The following MXI1 variants were observed in gnomAD, a reference collection of about 807,000 sequenced individuals.
MXI1 encodes the protein max-interacting protein 1.
A neutral mutation model predicts 36.9 loss-of-function variants in MXI1; 18 were observed. The observed-to-expected ratio is 0.49, with a 90% CI of 0.34 to 0.72. The LOEUF (loss-of-function observed/expected upper bound fraction) is 0.72. MXI1 is among the 30% of genes least tolerant of loss of function. The pLI, the probability that MXI1 is intolerant of heterozygous loss-of-function variation, is 0.01. For missense variants in MXI1, 304 were observed against 379.1 expected (o/e 0.80, Z 1.64); for synonymous variants, 160 against 146.7 (o/e 1.09, Z -0.65).
At chr10:110,279,826 C>T in intron 4 of MXI1, 88 bp from the exon 5 acceptor site, 1 of 948,430 alleles carries the variant, frequency 1.1e-6, no homozygotes, top group Non-Finnish European at 1.5e-6. Context: ...CATGTATATT[C>T]ATTCATGTTT....
At position 110,248,000 on chromosome 10, in the gene MXI1, G is replaced by A. The variant is rs572197446; in HGVS notation, c.437+3143G>A. On this transcript the variant is annotated intron_variant, in intron 3 of 5. Coordinates refer to ENST00000332674, the MANE Select transcript of MXI1 (RefSeq NM_130439.3). The stretch of plus-strand genomic sequence containing the variant: ...GAAAATGTGGCACATATACACCATG[G>A]AATACTATGCAGCCATAAAAAATGA... Among the ~76,000 whole-genome samples, 26 of 152,242 alleles carry A rather than the reference G, an allele frequency of 1.7e-4. No homozygotes were observed. The South Asian group carries it at 2.7e-3, about 16-fold the overall frequency.
At chr10:110,242,065 T>A (rs1161803078) in intron 2 of MXI1, among the ~76,000 whole-genome samples, 2 of 152,002 alleles carry the variant, frequency 1.3e-5, no homozygotes, top group African/African-American at 4.8e-5. Context: ...GCTTTGGACT[T>A]CACAACTCGA....
Position 110,228,169 on chromosome 10 carries a change from T to G in MXI1, c.275-20T>G. ...GTACTATATTCTTCTTACCGTATCT[T>G]TTTTTCTTGCTTTCTTCAGAGTGTG... On this transcript the variant is annotated intron_variant, in intron 1 of 5. Transcript: ENST00000332674. 1 of 1,613,330 alleles carries G rather than the reference T, an allele frequency of 6.2e-7. No individual in the cohort carries two copies. Among genetic ancestry groups the G allele is most frequent in the Non-Finnish European group, 8.5e-7 (1 of 1,179,778 alleles).
At chr10:110,236,256 A>G (rs1279155658) in intron 2 of MXI1, among the ~76,000 whole-genome samples, 1 of 145,446 alleles carries the variant, frequency 6.9e-6, no homozygotes, top group Non-Finnish European at 1.5e-5. Flanking sequence ...AAATCAGTTG[A>G]CCACAGACTT....
At chr10:110,267,871 A>G (rs1418989487) in intron 3 of MXI1, among the ~76,000 whole-genome samples, 2 of 152,240 alleles carry the variant, frequency 1.3e-5, no homozygotes, top group Admixed American at 1.3e-4. Context: ...AAGACAATAC[A>G]GAATATATGT....
intron 2 of MXI1, among the ~76,000 whole-genome samples, chr10:110,236,719 C>T (rs796906604): frequency 7.9e-5 from 12 of 152,300 alleles, no homozygotes; most frequent in African/African-American, 2.6e-4. Context: ...CCTCTACCTT[C>T]CAAAGTGTTG....
At chr10:110,254,235 A>G (rs577969357) in intron 3 of MXI1, among the ~76,000 whole-genome samples, 44 of 152,252 alleles carry the variant, frequency 2.9e-4, no homozygotes, top group African/African-American at 1.0e-3. Flanking sequence ...AAACTTTATT[A>G]TAATTTCATA....
chr10:110,243,163 T>A (rs1470736786), intron 2 of MXI1, among the ~76,000 whole-genome samples: 1 of 152,046 alleles, frequency 6.6e-6, no homozygotes, highest in Non-Finnish European at 1.5e-5. Flanking sequence ...AGGCACACTG[T>A]GGTTATAATT....
At chr10:110,268,647 T>G (rs1856760230) in intron 3 of MXI1, among the ~76,000 whole-genome samples, 1 of 152,174 alleles carries the variant, frequency 6.6e-6, no homozygotes, top group Non-Finnish European at 1.5e-5. Flanking sequence ...AGAAAATTTC[T>G]GCCTTATCAG....
intron 3 of MXI1, among the ~76,000 whole-genome samples, chr10:110,261,429 AT>A (rs754963291): frequency 0.097 from 13,651 of 140,976 alleles, 671 homozygotes; most frequent in African/African-American, 0.16. Context: ...TATTCAAACC[AT>A]TTTTTTTTTT....
chr10:110,216,659 T>C (rs921031692), intron 1 of MXI1, among the ~76,000 whole-genome samples: 2 of 105,572 alleles, frequency 1.9e-5, no homozygotes, highest in African/African-American at 9.7e-5. Context: ...CCTATCTGTG[T>C]TTAATGTTTT....
At chr10:110,242,623 A>G (rs1855711559) in intron 2 of MXI1, among the ~76,000 whole-genome samples, 1 of 152,034 alleles carries the variant, frequency 6.6e-6, no homozygotes, top group East Asian at 1.9e-4. Flanking sequence ...CTTTAAAAAA[A>G]GATAATAAAG....
At chr10:110,223,822 CAAA>C (rs544249501) in intron 1 of MXI1, among the ~76,000 whole-genome samples, 1 of 108,828 alleles carries the variant, frequency 9.2e-6, no homozygotes. Flanking sequence ...AAAGCCTTTA[CAAA>C]AAAAAAAAAA....
intron 5 of MXI1, 26 bp from the exon 6 acceptor site, chr10:110,284,795 GTTC>G (rs5787843): frequency 8.6e-4 from 1,220 of 1,423,618 alleles, no homozygotes; most frequent in Middle Eastern, 3.2e-3. Flanking sequence ...GATAATTAAT[GTTC>G]TTCTTTTTTT....
At chr10:110,210,998 T>G (rs1247010133) in intron 1 of MXI1, among the ~76,000 whole-genome samples, 2 of 152,004 alleles carry the variant, frequency 1.3e-5, no homozygotes, top group Non-Finnish European at 2.9e-5. Flanking sequence ...GTCCCTGGTT[T>G]CTGGAAGGAA....
chr10:110,275,596 A>C (rs2134460965), intron 3 of MXI1, among the ~76,000 whole-genome samples: 1 of 152,200 alleles, frequency 6.6e-6, no homozygotes, highest in East Asian at 1.9e-4. Flanking sequence ...CATTTACCTA[A>C]GTGGCAGCTA....
chr10:110,239,666 A>T (rs1376698557), intron 2 of MXI1, among the ~76,000 whole-genome samples: 1 of 152,146 alleles, frequency 6.6e-6, no homozygotes, highest in Non-Finnish European at 1.5e-5. Context: ...TTTGTTTGAG[A>T]TGTAGTATGC....
intron 3 of MXI1, among the ~76,000 whole-genome samples, chr10:110,269,095 C>T (rs1856777127): frequency 6.6e-6 from 1 of 152,124 alleles, no homozygotes; most frequent in Non-Finnish European, 1.5e-5. Context: ...AAAATAATTC[C>T]TGGCTGGCTT....
Position 110,207,915 on chromosome 10 carries a change from CGGCCCTGCCCGAGGACCCCGCTGG to C in MXI1, c.112_135del (p.Leu38_Ala45del). 6.6e-7 allele frequency: 1 copy of C among 1,521,078 alleles called. No individual in the cohort carries two copies. The highest frequency in any genetic ancestry group is 8.8e-7 in the Non-Finnish European group (1 of 1,134,560). 94.2% of individuals were successfully genotyped at this position (1,521,078 alleles called of 1,614,324 possible). A position where few individuals can be genotyped will look rare whatever the true frequency, so the allele number is the denominator to read the frequency against. On this transcript the variant is annotated inframe_deletion, in exon 1 of 6. Coordinates refer to ENST00000332674, the MANE Select transcript of MXI1 (RefSeq NM_130439.3). ...CCCGCCGTGGCCGCGCCCCAGCCCC[CGGCCCTGCCCGAGGACCCCGCTGG>C]GGCCAAGCCCAGGTGCCCCTTCTCA... is the stretch of plus-strand genomic sequence containing the variant.
Sources: allele counts gnomAD v4.1 joint callset (sites outside exome capture counted in the v4.1 genomes callset), GRCh38; gene constraint gnomAD v4.1.1; transcripts MANE v1.5; gene names NCBI Gene and HGNC (gene_info 2026-07-23, HGNC 2026-07-21).